JAK2: variants seen among roughly 807,000 people sequenced by gnomAD.
The protein encoded by JAK2 is Janus kinase 2, also known as tyrosine-protein kinase JAK2.
In JAK2, 86 loss-of-function variants were observed where a neutral mutation model predicts 139.3. The observed-to-expected ratio is 0.62, with a 90% CI of 0.52 to 0.74. JAK2 has a LOEUF of 0.74. JAK2 is among the 30% of genes least tolerant of loss of function. JAK2 has a pLI of 0.00. For missense variants in JAK2, 1,421 were observed against 1,360.3 expected, an observed-to-expected ratio of 1.04 and a Z score of -0.70; for synonymous variants, 490 against 437.7, an observed-to-expected ratio of 1.12 and a Z score of -1.49.
intron 2 of JAK2, among the ~76,000 whole-genome samples, chr9:5,018,765 G>T (rs1051961646): frequency 6.6e-6 from 1 of 152,154 alleles, no homozygotes; most frequent in African/African-American, 2.4e-5. Context: ...GCTTAATGAA[G>T]GATAATTTTG....
intron 3 of JAK2, among the ~76,000 whole-genome samples, chr9:5,022,701 T>C (rs933830255): frequency 1.3e-5 from 2 of 152,198 alleles, no homozygotes; most frequent in Non-Finnish European, 2.9e-5. Context: ...TCATTTTTAC[T>C]CTTGAGACCT....
intron 22 of JAK2, chr9:5,097,879 G>C (rs1821130570): frequency 6.6e-6 from 1 of 152,128 alleles, no homozygotes; most frequent in South Asian, 2.1e-4. Flanking sequence ...TGCTTAATCA[G>C]ACCTACGCTA....
intron 19 of JAK2, among the ~76,000 whole-genome samples, chr9:5,084,841 G>C (rs1276342679): frequency 6.6e-6 from 1 of 152,124 alleles, no homozygotes; most frequent in Non-Finnish European, 1.5e-5. Flanking sequence ...AAAGTTTTCT[G>C]AAAAAACTTT....
chr9:5,111,201 A>G, intron 22 of JAK2: 4 of 638,228 alleles, frequency 6.3e-6, no homozygotes, highest in Non-Finnish European at 1.1e-5. Context: ...TGGGACCGGG[A>G]CTCGGAGGCA....
intron 4 of JAK2, among the ~76,000 whole-genome samples, chr9:5,043,512 G>A (rs531648018): frequency 6.6e-6 from 1 of 152,172 alleles, no homozygotes; most frequent in Non-Finnish European, 1.5e-5. Context: ...ATGTAAAGTG[G>A]TGCTGCTACT....
chr9:5,069,867 G>A lies in JAK2; in HGVS notation c.1514-58G>A, dbSNP rs953473431. 6 of 1,178,548 alleles carry A rather than the reference G, an allele frequency of 5.1e-6. No individual in the cohort carries two copies. In the African/African-American group the frequency reaches 9.3e-5, roughly 18 times the overall value. The allele number at this position is 1,178,548 out of a possible 1,614,324, so 73.0% of individuals were successfully genotyped here. A position where few individuals can be genotyped will look rare whatever the true frequency, so the allele number is the denominator to read the frequency against. ...ACACATTTCATTTTACTCCTCTTTG[G>A]AGCAATTCATACTTTCAGTGTATTT... is the stretch of plus-strand genomic sequence containing the variant. On this transcript the variant is annotated intron_variant, in intron 11 of 24. Transcript: ENST00000381652.
At chr9:5,022,460 A>T (rs769371550) in intron 3 of JAK2, among the ~76,000 whole-genome samples, 1 of 152,232 alleles carries the variant, frequency 6.6e-6, no homozygotes, top group Non-Finnish European at 1.5e-5. Flanking sequence ...TTATAATTAC[A>T]TATAAGGTGG....
chr9:4,999,582 C>T (rs1369270406), intron 2 of JAK2, among the ~76,000 whole-genome samples: 1 of 152,098 alleles, frequency 6.6e-6, no homozygotes, highest in Non-Finnish European at 1.5e-5. Flanking sequence ...ATCACAAGGT[C>T]CCACAATAGG....
At chr9:5,061,953 A>G (rs1439967306) in intron 8 of JAK2, among the ~76,000 whole-genome samples, 1 of 152,160 alleles carries the variant, frequency 6.6e-6, no homozygotes, top group Non-Finnish European at 1.5e-5. Flanking sequence ...GGGAATAGGG[A>G]GGCCTGAGGA....
chr9:5,111,489 G>A, intron 22 of JAK2: 1 of 373,608 alleles, frequency 2.7e-6, no homozygotes, highest in Non-Finnish European at 5.2e-6. Flanking sequence ...GAGGAGTACG[G>A]TAGGGATGCC....
chr9:5,021,426 C>G (rs981050451), intron 2 of JAK2, among the ~76,000 whole-genome samples: 7 of 152,126 alleles, frequency 4.6e-5, no homozygotes, highest in African/African-American at 9.7e-5. Flanking sequence ...TCATCGTCCT[C>G]AATTAGGTTG....
At position 5,128,972 on chromosome 9, in the gene JAK2, G is replaced by A. The variant is rs1046109566; in HGVS notation, c.*2181G>A. On this transcript the variant is annotated 3_prime_UTR_variant, in exon 25 of 25. Coordinates refer to ENST00000381652, the MANE Select transcript of JAK2 (RefSeq NM_004972.4). ...TTTATATAAATGACTTTTTCCATGG[G>A]TACTTGTTTGGAAAATAGTCACTTT... 1.3e-5 allele frequency among the ~76,000 whole-genome samples: 2 copies of A among 151,778 alleles called. No individual in the cohort carries two copies. The highest frequency in any genetic ancestry group is 2.4e-5 in the African/African-American group (1 of 41,354).
chr9:5,086,765 T>C (rs1820147757), intron 19 of JAK2, among the ~76,000 whole-genome samples: 3 of 152,246 alleles, frequency 2.0e-5, no homozygotes, highest in Non-Finnish European at 4.4e-5. Flanking sequence ...AAATGCCTTC[T>C]TTTTGATATC....
At chr9:5,117,509 G>GT (rs1386675143) in intron 22 of JAK2, among the ~76,000 whole-genome samples, 1 of 152,140 alleles carries the variant, frequency 6.6e-6, no homozygotes, top group African/African-American at 2.4e-5. Context: ...CATAAGTATA[G>GT]TTTTCCAGAG....
chr9:5,041,410 G>A, intron 4 of JAK2: 1 of 630,102 alleles, frequency 1.6e-6, no homozygotes, highest in South Asian at 1.6e-5. Flanking sequence ...ACCTGGAGGT[G>A]CTGGGCCACA....
intron 3 of JAK2, among the ~76,000 whole-genome samples, chr9:5,025,862 A>T (rs1822752820): frequency 6.6e-6 from 1 of 152,200 alleles, no homozygotes; most frequent in Non-Finnish European, 1.5e-5. Context: ...GAAGTTTTAA[A>T]TTAATGAATC....
rs1819733284 is a variant in JAK2, at chr9:5,081,976, AG to A, written c.2571+117del. 9.2e-6 allele frequency: 8 copies of A among 871,256 alleles called. No homozygotes were observed. The East Asian group carries it at 2.0e-4, about 22-fold the overall frequency. 54.0% of individuals were successfully genotyped at this position (871,256 alleles called of 1,614,324 possible). On this transcript the variant is annotated intron_variant, in intron 19 of 24. Transcript: ENST00000381652. ...TTTAAGGAGTGCTTGTAGAAAAAAA[AG>A]GTTTGGTTGTCAGATGTTGGAGAAA... is the stretch of plus-strand genomic sequence containing the variant.
intron 17 of JAK2, 40 bp downstream of exon 17, chr9:5,080,420 G>A (rs1396006601): frequency 1.9e-6 from 3 of 1,556,632 alleles, no homozygotes; most frequent in Non-Finnish European, 2.6e-6. Context: ...CTCTATCTCT[G>A]AACTTTCATA....
chr9:5,037,404 A>G (rs1167911673), intron 4 of JAK2, among the ~76,000 whole-genome samples: 1 of 152,232 alleles, frequency 6.6e-6, no homozygotes, highest in African/African-American at 2.4e-5. Context: ...AGACACATGC[A>G]CACGTATGTT....
Sources: allele counts gnomAD v4.1 joint callset (sites outside exome capture counted in the v4.1 genomes callset), GRCh38; gene constraint gnomAD v4.1.1; transcripts MANE v1.5; gene names NCBI Gene and HGNC (gene_info 2026-07-23, HGNC 2026-07-21).